The following VPS13B variants were observed in gnomAD, a reference collection of about 807,000 sequenced individuals.
VPS13B encodes the protein intermembrane lipid transfer protein VPS13B.
Under a neutral mutation model 426.4 loss-of-function variants are expected in VPS13B, and 285 were observed. The observed-to-expected ratio is 0.67, with a 90% CI of 0.61 to 0.74. The LOEUF (loss-of-function observed/expected upper bound fraction) is 0.74. Ranked by LOEUF, VPS13B falls within the 30% of genes least tolerant of loss-of-function variation. The probability of loss-of-function intolerance (pLI) is 0.00; values close to 1 mark genes in which losing one functional copy is unlikely to be tolerated. For synonymous variants in VPS13B, 1,676 were observed against 1,676.4 expected (o/e 1.00, Z 0.01); for missense variants, 4,537 against 4,782.6 (o/e 0.95, Z 1.51).
intron 19 of VPS13B, among the ~76,000 whole-genome samples, chr8:99,319,457 T>C (rs1016833073): frequency 6.6e-6 from 1 of 152,222 alleles, no homozygotes; most frequent in African/African-American, 2.4e-5. Flanking sequence ...CAAGTAATTA[T>C]CTACAGGTTT....
intron 19 of VPS13B, among the ~76,000 whole-genome samples, chr8:99,348,623 T>C (rs1161423324): frequency 1.3e-5 from 2 of 152,202 alleles, no homozygotes; most frequent in Non-Finnish European, 2.9e-5. Context: ...GTGTTGACAT[T>C]AACATTTTAA....
intron 34 of VPS13B, among the ~76,000 whole-genome samples, chr8:99,647,604 T>C (rs971561787): frequency 1.3e-5 from 2 of 151,870 alleles, no homozygotes; most frequent in Non-Finnish European, 2.9e-5. Context: ...TTAATAATTT[T>C]CAGAAAAGGT....
intron 3 of VPS13B, among the ~76,000 whole-genome samples, chr8:99,078,276 G>A (rs1042638045): frequency 6.7e-6 from 1 of 148,524 alleles, no homozygotes; most frequent in Non-Finnish European, 1.5e-5. Flanking sequence ...CTAGTGTACC[G>A]TTCACTTCTT....
intron 23 of VPS13B, among the ~76,000 whole-genome samples, chr8:99,452,318 C>T (rs1588394095): frequency 6.6e-6 from 1 of 152,182 alleles, no homozygotes; most frequent in African/African-American, 2.4e-5. Flanking sequence ...TCAGGTCCCT[C>T]CAACTCTGTG....
intron 30 of VPS13B, among the ~76,000 whole-genome samples, chr8:99,524,865 G>T (rs1367074098): frequency 1.3e-5 from 2 of 152,170 alleles, no homozygotes; most frequent in Admixed American, 1.3e-4. Context: ...AAATCTTACA[G>T]TCCAGGAGTG....
intron 44 of VPS13B, 110 bp downstream of exon 44, chr8:99,809,640 C>G (rs1813596821): frequency 1.6e-6 from 2 of 1,276,766 alleles, no homozygotes; most frequent in African/African-American, 3.0e-5. Context: ...CTAGTTATAT[C>G]TACTACTACC....
intron 54 of VPS13B, among the ~76,000 whole-genome samples, chr8:99,844,778 C>T (rs76226973): frequency 1.3e-5 from 2 of 152,318 alleles, no homozygotes; most frequent in Non-Finnish European, 2.9e-5. Context: ...GGAACACAAA[C>T]ATTCAGACCA....
intron 29 of VPS13B, among the ~76,000 whole-genome samples, chr8:99,520,389 T>TTGTGTGTGTGTGTGTG (rs140216567): frequency 7.2e-6 from 1 of 138,496 alleles, no homozygotes; most frequent in Non-Finnish European, 1.6e-5. Context: ...GTGATATACT[T>TTGTGTGTGTGTGTGTG]TGTGTGTGTG....
At chr8:99,697,637 C>G in intron 35 of VPS13B, 1 of 647,480 alleles carries the variant, frequency 1.5e-6, no homozygotes, top group South Asian at 1.6e-5. Flanking sequence ...CTAAAGCCAC[C>G]AAGAGACTGA....
intron 54 of VPS13B, among the ~76,000 whole-genome samples, chr8:99,847,290 A>T (rs1197687589): frequency 6.6e-6 from 1 of 152,226 alleles, no homozygotes; most frequent in East Asian, 1.9e-4. Context: ...CTGTCAAGAG[A>T]TTTACAATCT....
intron 19 of VPS13B, among the ~76,000 whole-genome samples, chr8:99,363,801 T>A (rs1039987468): frequency 6.6e-6 from 1 of 152,188 alleles, no homozygotes; most frequent in African/African-American, 2.4e-5. Context: ...TCTTACTGAT[T>A]TTTGTATGTT....
At chr8:99,828,416 T>TGC (rs1563495329) in intron 51 of VPS13B, among the ~76,000 whole-genome samples, 7 of 118,404 alleles carry the variant, frequency 5.9e-5, no homozygotes, top group Non-Finnish European at 1.2e-4. Context: ...TTTTTTTTTT[T>TGC]TTTTTTTTTT....
chr8:99,081,499 T>C (rs1030962518), intron 3 of VPS13B, among the ~76,000 whole-genome samples: 1 of 152,064 alleles, frequency 6.6e-6, no homozygotes, highest in Admixed American at 6.5e-5. Flanking sequence ...TATGTATACA[T>C]GTGCCATGTT....
At chr8:99,144,672 C>G (rs1402405908) in intron 13 of VPS13B, among the ~76,000 whole-genome samples, 1 of 152,142 alleles carries the variant, frequency 6.6e-6, no homozygotes, top group Non-Finnish European at 1.5e-5. Flanking sequence ...GTGCTTGACA[C>G]ATTCATGCAT....
At position 99,835,340 on chromosome 8, in the gene VPS13B, T is replaced by G; in HGVS notation, c.9742+16T>G. 1 of 1,605,122 alleles carries G rather than the reference T, an allele frequency of 6.2e-7. No homozygotes were observed. Among genetic ancestry groups the G allele is most frequent in the Non-Finnish European group, 8.5e-7 (1 of 1,172,160 alleles). The stretch of plus-strand genomic sequence containing the variant: ...AACATTAAAGGTATGTTTTATACTA[T>G]CGAATTTAGATAATACTAAATGTGT... On this transcript the variant is annotated intron_variant, in intron 53 of 61. Transcript: ENST00000357162.
intron 3 of VPS13B, among the ~76,000 whole-genome samples, chr8:99,056,975 G>T (rs1450646698): frequency 6.6e-6 from 1 of 151,580 alleles, no homozygotes; most frequent in Non-Finnish European, 1.5e-5. Context: ...TATTTCCTTT[G>T]GGGCATTTTT....
chr8:99,492,977 C>CTGT lies in VPS13B; in HGVS notation c.3871-8708_3871-8706dup, dbSNP rs1195530893. Among the ~76,000 whole-genome samples, 11 of 152,202 alleles carry CTGT rather than the reference C, an allele frequency of 7.2e-5. No homozygotes were observed. In the South Asian group the frequency reaches 8.3e-4, roughly 11 times the overall value. ...TCTCACTGGGAGCTGTAGGCTAGAG[C>CTGT]TGTTCCTATTCTGTCATCTTGGAAG... On this transcript the variant is annotated intron_variant, in intron 25 of 61. Transcript: ENST00000357162.
chr8:99,515,141 G>A (rs1490630336), intron 29 of VPS13B, among the ~76,000 whole-genome samples: 2 of 152,092 alleles, frequency 1.3e-5, no homozygotes, highest in African/African-American at 4.8e-5. Flanking sequence ...TACAAATCAG[G>A]CTATTTAAGA....
intron 4 of VPS13B, 152 bp from the exon 5 acceptor site, chr8:99,102,801 A>T (rs1478949111): frequency 1.3e-6 from 1 of 744,194 alleles, no homozygotes; most frequent in Non-Finnish European, 2.2e-6. Flanking sequence ...CACTTTGGCA[A>T]GCCTTTTAAC....
Sources: allele counts gnomAD v4.1 joint callset (sites outside exome capture counted in the v4.1 genomes callset), GRCh38; gene constraint gnomAD v4.1.1; transcripts MANE v1.5; gene names NCBI Gene and HGNC (gene_info 2026-07-23, HGNC 2026-07-21).